The following WIPF2 variants were observed in gnomAD, a reference collection of about 807,000 sequenced individuals.
WIPF2 encodes WAS/WASL-interacting protein family member 2.
In WIPF2, 23 loss-of-function variants were observed where a neutral mutation model predicts 38.8. That is an observed-to-expected ratio of 0.59 (90% CI 0.43 to 0.84). The LOEUF (loss-of-function observed/expected upper bound fraction) is 0.84. WIPF2 is among the 40% of genes least tolerant of loss of function. The probability of loss-of-function intolerance (pLI) is 0.00; values close to 1 mark genes in which losing one functional copy is unlikely to be tolerated. For synonymous variants in WIPF2, 210 were observed against 223.2 expected (o/e 0.94, Z 0.53); for missense variants, 574 against 580.5 (o/e 0.99, Z 0.11).
chr17:40,220,183 C>G (rs904624219), intron 1 of WIPF2, among the ~76,000 whole-genome samples: 4 of 151,342 alleles, frequency 2.6e-5, no homozygotes, highest in African/African-American at 9.7e-5. Flanking sequence ...GGCTATGTTG[C>G]TCAGACTAGT....
intron 1 of WIPF2, among the ~76,000 whole-genome samples, chr17:40,231,937 T>TTC (rs201234310): frequency 1.6e-4 from 22 of 140,944 alleles, no homozygotes; most frequent in East Asian, 1.1e-3. Flanking sequence ...TTTTCTTTCT[T>TTC]TTTTTTTTTT....
At chr17:40,274,931 CA>C (rs777312230) in intron 6 of WIPF2, among the ~76,000 whole-genome samples, 153 of 45,578 alleles carry the variant, frequency 3.4e-3, no homozygotes, top group South Asian at 8.5e-3. Flanking sequence ...GAATCTGTCT[CA>C]AAAAAAAAAA....
chr17:40,276,843 AG>A (rs1414582679), intron 6 of WIPF2, among the ~76,000 whole-genome samples: 6 of 152,202 alleles, frequency 3.9e-5, no homozygotes, highest in African/African-American at 1.4e-4. Context: ...AAATAAATAA[AG>A]AATGGGCTCA....
intron 1 of WIPF2, among the ~76,000 whole-genome samples, chr17:40,235,818 C>T (rs2030946590): frequency 6.6e-6 from 1 of 152,000 alleles, no homozygotes; most frequent in Non-Finnish European, 1.5e-5. Context: ...AGGTGATCTG[C>T]CTGTCTTGGC....
At chr17:40,258,375 C>T (rs1016507077) in intron 2 of WIPF2, among the ~76,000 whole-genome samples, 2 of 151,528 alleles carry the variant, frequency 1.3e-5, no homozygotes, top group African/African-American at 4.8e-5. Context: ...GGGCAGATCA[C>T]GAGGTCAGGA....
At chr17:40,224,575 C>T (rs1241971985) in intron 1 of WIPF2, among the ~76,000 whole-genome samples, 1 of 151,772 alleles carries the variant, frequency 6.6e-6, no homozygotes. Flanking sequence ...AATGATTTTC[C>T]ATTTTTCCTA....
At chr17:40,221,343 T>G (rs1377916848) in intron 1 of WIPF2, among the ~76,000 whole-genome samples, 1 of 152,094 alleles carries the variant, frequency 6.6e-6, no homozygotes, top group Non-Finnish European at 1.5e-5. Context: ...CTTTGAAATA[T>G]AGGTTTTCTC....
chr17:40,220,587 A>ATATATATATATATATG (rs2030152282), intron 1 of WIPF2: 1 of 64,638 alleles, frequency 1.5e-5, no homozygotes, highest in Non-Finnish European at 3.0e-5. Flanking sequence ...ATATATATAT[A>ATATATATATATATATG]TATATATATA....
At chr17:40,237,157 CCT>C (rs1214309701) in intron 1 of WIPF2, among the ~76,000 whole-genome samples, 1 of 151,512 alleles carries the variant, frequency 6.6e-6, no homozygotes, top group Admixed American at 6.6e-5. Context: ...TTATTTATCT[CCT>C]CTCTCTTTCT....
intron 1 of WIPF2, among the ~76,000 whole-genome samples, chr17:40,242,482 C>T (rs2031224566): frequency 1.3e-5 from 2 of 152,090 alleles, no homozygotes; most frequent in African/African-American, 2.4e-5. Context: ...TCGCTGCAAC[C>T]TCCGCCTGCC....
intron 1 of WIPF2, among the ~76,000 whole-genome samples, chr17:40,228,862 T>A (rs563958739): frequency 3.3e-5 from 5 of 151,944 alleles, no homozygotes; most frequent in Admixed American, 6.6e-5. Flanking sequence ...GCAGTCCTCC[T>A]ATCTCGAAGT....
intron 1 of WIPF2, among the ~76,000 whole-genome samples, chr17:40,244,014 TTGAC>T (rs2145327620): frequency 6.6e-6 from 1 of 152,312 alleles, no homozygotes; most frequent in African/African-American, 2.4e-5. Flanking sequence ...CACCAGAGGT[TTGAC>T]TGAATTGAAT....
chr17:40,228,451 G>T (rs2030594626), intron 1 of WIPF2, among the ~76,000 whole-genome samples: 1 of 152,054 alleles, frequency 6.6e-6, no homozygotes, highest in Admixed American at 6.6e-5. Flanking sequence ...ATATATATTT[G>T]GCTCTTTGCA....
At chr17:40,260,352 A>G (rs2031856958) in intron 2 of WIPF2, among the ~76,000 whole-genome samples, 183 bp from the exon 3 acceptor site, 1 of 151,218 alleles carries the variant, frequency 6.6e-6, no homozygotes, top group African/African-American at 2.4e-5. Context: ...TGCCTAGCTA[A>G]GTTTTTGTAT....
intron 2 of WIPF2, among the ~76,000 whole-genome samples, chr17:40,260,187 T>TA (rs2031851268): frequency 6.8e-6 from 1 of 146,170 alleles, no homozygotes; most frequent in African/African-American, 2.5e-5. Context: ...AACTTTTTTT[T>TA]TTTTTTTTTT....
At position 40,265,157 on chromosome 17, in the gene WIPF2, G is replaced by C. The variant is rs764420451; in HGVS notation, c.970+11G>C. The C allele has an allele frequency of 6.3e-7, 1 of 1,584,982 alleles. No individual in the cohort carries two copies. Among genetic ancestry groups the C allele is most frequent in the Non-Finnish European group, 8.6e-7 (1 of 1,165,848 alleles). ...CCAGTCGGGGAGCAGGTAAGTGCTTGGAAGCACCTTTTTCCCTATCATGCT... is the reference window on the plus strand; with the variant it reads ...CCAGTCGGGGAGCAGGTAAGTGCTTCGAAGCACCTTTTTCCCTATCATGCT... On this transcript the variant is annotated intron_variant, in intron 5 of 7. Coordinates refer to ENST00000323571, the MANE Select transcript of WIPF2 (RefSeq NM_133264.5).
intron 1 of WIPF2, among the ~76,000 whole-genome samples, chr17:40,249,479 C>T (rs577454083): frequency 1.1e-3 from 161 of 146,782 alleles, no homozygotes; most frequent in Non-Finnish European, 1.6e-3. Context: ...GATGGCTCTT[C>T]GCTCTTGTTG....
chr17:40,278,127 T>G (rs745985355), intron 7 of WIPF2, 58 bp from the exon 8 acceptor site: 107 of 1,570,482 alleles, frequency 6.8e-5, no homozygotes, highest in Non-Finnish European at 9.3e-5. Flanking sequence ...ATGTGTGGGT[T>G]GTTCAGATTC....
intron 1 of WIPF2, among the ~76,000 whole-genome samples, chr17:40,236,285 C>G (rs1170329634): frequency 6.7e-6 from 1 of 149,932 alleles, no homozygotes; most frequent in African/African-American, 2.5e-5. Flanking sequence ...ATAAAATTTT[C>G]TACTGGAGAT....
Sources: allele counts gnomAD v4.1 joint callset (sites outside exome capture counted in the v4.1 genomes callset), GRCh38; gene constraint gnomAD v4.1.1; transcripts MANE v1.5; gene names NCBI Gene and HGNC (gene_info 2026-07-23, HGNC 2026-07-21).